The following SLC35F4 variants were observed in gnomAD, a reference collection of about 807,000 sequenced individuals.
SLC35F4 encodes the protein solute carrier family 35 member F4, also known as chromosome 14 open reading frame 36.
Under a neutral mutation model 44.2 loss-of-function variants are expected in SLC35F4, and 24 were observed. The ratio of observed to expected loss-of-function variants is 0.54; its 90% CI spans 0.39 to 0.76. The LOEUF (loss-of-function observed/expected upper bound fraction) is 0.76, where lower values mean the gene tolerates loss of function less well. Among genes scored for constraint, SLC35F4 ranks in the 30% least tolerant of loss-of-function variants. The pLI, the probability that SLC35F4 is intolerant of heterozygous loss-of-function variation, is 0.00. For synonymous variants in SLC35F4, 238 were observed against 223.6 expected (o/e 1.06, Z -0.57); for missense variants, 562 against 586.1 (o/e 0.96, Z 0.42).
At chr14:57,628,123 C>T (rs1417461067) in intron 1 of SLC35F4, among the ~76,000 whole-genome samples, 3 of 151,926 alleles carry the variant, frequency 2.0e-5, no homozygotes, top group Non-Finnish European at 2.9e-5. Context: ...ATTTCAGGAC[C>T]TCCTGAAGTC....
intron 1 of SLC35F4, among the ~76,000 whole-genome samples, chr14:57,938,084 AGATTG>A (rs1404477377): frequency 2.6e-5 from 4 of 152,196 alleles, no homozygotes; most frequent in Admixed American, 2.0e-4. Flanking sequence ...AGAATATAGA[AGATTG>A]CCCAATATTC....
At chr14:57,825,783 T>C (rs1701450632) in intron 1 of SLC35F4, among the ~76,000 whole-genome samples, 1 of 151,974 alleles carries the variant, frequency 6.6e-6, no homozygotes, top group African/African-American at 2.4e-5. Flanking sequence ...ACAAAGTGAA[T>C]AAAATACCTA....
intron 1 of SLC35F4, chr14:57,630,283 G>T: frequency 1.8e-6 from 1 of 562,558 alleles, no homozygotes; most frequent in South Asian, 1.7e-5. Flanking sequence ...AAAAGAAGGA[G>T]ATCAAGAAGG....
At chr14:57,877,124 C>G (rs997315458) in intron 1 of SLC35F4, among the ~76,000 whole-genome samples, 2 of 152,172 alleles carry the variant, frequency 1.3e-5, no homozygotes, top group South Asian at 4.2e-4. Context: ...GAGCCTAGTA[C>G]CTGATAGGCA....
chr14:57,588,807 C>G (rs541399404), intron 3 of SLC35F4, among the ~76,000 whole-genome samples: 1 of 152,174 alleles, frequency 6.6e-6, no homozygotes, highest in Middle Eastern at 3.5e-3. Context: ...TTTTTCTGGG[C>G]TTGATGCACT....
chr14:57,743,323 G>A (rs1055979011), intron 1 of SLC35F4, among the ~76,000 whole-genome samples: 19 of 152,096 alleles, frequency 1.2e-4, no homozygotes, highest in East Asian at 3.9e-4. Flanking sequence ...TTGATAGGCC[G>A]CTAGCAAGAC....
chr14:57,700,672 C>T (rs1339745998), intron 1 of SLC35F4, among the ~76,000 whole-genome samples: 5 of 151,946 alleles, frequency 3.3e-5, no homozygotes, highest in South Asian at 2.1e-4. Flanking sequence ...GAGGCTGAGG[C>T]GGGTGGATTG....
At chr14:57,613,641 T>C (rs1295431088) in intron 1 of SLC35F4, among the ~76,000 whole-genome samples, 1 of 152,254 alleles carries the variant, frequency 6.6e-6, no homozygotes, top group Non-Finnish European at 1.5e-5. Context: ...CAGAAGCTTC[T>C]GATACATAGC....
At chr14:57,575,639 C>T (rs777699932) in intron 4 of SLC35F4, among the ~76,000 whole-genome samples, 9 of 152,212 alleles carry the variant, frequency 5.9e-5, no homozygotes, top group Non-Finnish European at 1.0e-4. Context: ...GTGGTGTGCC[C>T]ACCTGGGGTG....
intron 1 of SLC35F4, among the ~76,000 whole-genome samples, chr14:57,882,981 C>T (rs900231251): frequency 2.8e-4 from 43 of 151,390 alleles, no homozygotes; most frequent in African/African-American, 9.0e-4. Context: ...TGCACCTCTG[C>T]CCTTGGAAGA....
rs532094491 is a variant in SLC35F4, at chr14:57,849,762, A to G, written c.103+15961T>C. 2.7e-4 allele frequency among the ~76,000 whole-genome samples: 41 copies of G among 152,334 alleles called. 1 individual carries two copies. In the South Asian group the frequency reaches 8.3e-3, roughly 31 times the overall value. The stretch of plus-strand genomic sequence containing the variant: ...GGTTAGAACCTGTGTACTTCATTAC[A>G]GCATCAGCCATTACATCAGAAACCA... On this transcript the variant is annotated intron_variant, in intron 1 of 7. Transcript: ENST00000556826.
intron 1 of SLC35F4, among the ~76,000 whole-genome samples, chr14:57,981,026 GAGA>G (rs1334563670): frequency 6.6e-6 from 1 of 152,068 alleles, no homozygotes; most frequent in Non-Finnish European, 1.5e-5. Context: ...TGCATCAATG[GAGA>G]AGAAGGATTC....
rs527960916 is a variant in SLC35F4 at position 57,566,216 on chromosome 14, A to G, written c.1216+259T>C. 2.6e-5 allele frequency among the ~76,000 whole-genome samples: 4 copies of G among 152,262 alleles called. No homozygotes were observed. The South Asian group carries it at 8.3e-4, about 32-fold the overall frequency. ...ATACCACAAAATTAGGTTGTCAGGG[A>G]GATTATATGAAACCCAAATGATACA... On this transcript the variant is annotated intron_variant, in intron 7 of 7. Transcript: ENST00000556826.
intron 1 of SLC35F4, among the ~76,000 whole-genome samples, chr14:57,965,238 C>T (rs1890416806): frequency 6.6e-6 from 1 of 152,112 alleles, no homozygotes; most frequent in Admixed American, 6.6e-5. Context: ...CCTTTTCCAG[C>T]AGCCAGCACT....
At chr14:57,662,296 G>A (rs1281616077) in intron 1 of SLC35F4, among the ~76,000 whole-genome samples, 1 of 152,170 alleles carries the variant, frequency 6.6e-6, no homozygotes, top group Non-Finnish European at 1.5e-5. Context: ...AAAATGCTGT[G>A]ATTAGAGCAT....
At chr14:57,693,602 A>G (rs1407390768) in intron 1 of SLC35F4, among the ~76,000 whole-genome samples, 3 of 152,166 alleles carry the variant, frequency 2.0e-5, no homozygotes. Flanking sequence ...TTAATCTATA[A>G]TCTATAGAAA....
intron 1 of SLC35F4, among the ~76,000 whole-genome samples, chr14:57,930,830 C>A (rs553119215): frequency 3.9e-5 from 6 of 152,276 alleles, no homozygotes; most frequent in East Asian, 1.9e-4. Context: ...GCTTAAAAGG[C>A]AACCACCTAA....
intron 1 of SLC35F4, among the ~76,000 whole-genome samples, chr14:57,877,793 T>G (rs1328936296): frequency 6.7e-6 from 1 of 149,874 alleles, no homozygotes; most frequent in East Asian, 2.0e-4. Flanking sequence ...CAAGCTATTC[T>G]TCTCTCTCAG....
intron 1 of SLC35F4, among the ~76,000 whole-genome samples, chr14:57,896,420 C>G (rs895195797): frequency 6.6e-6 from 1 of 152,100 alleles, no homozygotes; most frequent in Non-Finnish European, 1.5e-5. Flanking sequence ...GTGATAAGAT[C>G]AAAATGCGTT....
Sources: allele counts gnomAD v4.1 joint callset (sites outside exome capture counted in the v4.1 genomes callset), GRCh38; gene constraint gnomAD v4.1.1; transcripts MANE v1.5; gene names NCBI Gene and HGNC (gene_info 2026-07-23, HGNC 2026-07-21).